Variants in PIBF1 observed in about 807,000 individuals in gnomAD.
PIBF1 encodes the protein progesterone immunomodulatory binding factor 1, also known as progesterone-induced-blocking factor 1.
PIBF1 carries 90 observed loss-of-function variants against 112.5 expected under a neutral mutation model. That is an observed-to-expected ratio of 0.80 (90% CI 0.67 to 0.95). PIBF1 has a LOEUF of 0.95. PIBF1 is among the 40% of genes least tolerant of loss of function. The pLI is 0.00. For synonymous variants in PIBF1, 301 were observed against 288.6 expected (o/e 1.04, Z -0.44); for missense variants, 915 against 852.3 (o/e 1.07, Z -0.92).
chr13:72,982,091 G>C (rs1418100589), intron 16 of PIBF1, among the ~76,000 whole-genome samples: 1 of 152,192 alleles, frequency 6.6e-6, no homozygotes, highest in Admixed American at 6.5e-5. Flanking sequence ...AGAACTCAAT[G>C]AATGTAGTTC....
intron 17 of PIBF1, among the ~76,000 whole-genome samples, chr13:73,001,748 T>A (rs563541482): frequency 8.2e-4 from 124 of 151,678 alleles, no homozygotes; most frequent in African/African-American, 2.9e-3. Context: ...CTCATCCTCC[T>A]GAGTAGCTGG....
chr13:72,836,098 CA>C (rs11382594), intron 9 of PIBF1: 19,824 of 349,346 alleles, frequency 0.057, 2 homozygotes, highest in South Asian at 0.076. Context: ...GACACCATCT[CA>C]AAAAAAAAAA....
chr13:72,953,807 A>G (rs2042368293), intron 14 of PIBF1, among the ~76,000 whole-genome samples: 1 of 152,124 alleles, frequency 6.6e-6, no homozygotes, highest in African/African-American at 2.4e-5. Context: ...CTTGCAAAAG[A>G]GTACCAGGTG....
intron 14 of PIBF1, among the ~76,000 whole-genome samples, chr13:72,961,874 A>G (rs1339183777): frequency 6.6e-6 from 1 of 152,204 alleles, no homozygotes; most frequent in Non-Finnish European, 1.5e-5. Flanking sequence ...TTGTGTATAT[A>G]TAAGTTGATA....
intron 11 of PIBF1, among the ~76,000 whole-genome samples, chr13:72,898,312 C>G (rs1322477286): frequency 6.6e-6 from 1 of 151,958 alleles, no homozygotes; most frequent in East Asian, 1.9e-4. Context: ...ACAGCTAAGG[C>G]AGTGCCAAGA....
chr13:72,896,015 C>T (rs2040268714), intron 11 of PIBF1, among the ~76,000 whole-genome samples: 1 of 152,122 alleles, frequency 6.6e-6, no homozygotes, highest in African/African-American at 2.4e-5. Flanking sequence ...TCCCCCATTT[C>T]CCTGACAACC....
chr13:73,001,610 G>T (rs1384919710), intron 17 of PIBF1, among the ~76,000 whole-genome samples: 5 of 26,676 alleles, frequency 1.9e-4, no homozygotes, highest in Non-Finnish European at 3.7e-4. Context: ...TGACACTTAG[G>T]TCTTCTTCTG....
chr13:72,948,978 C>T (rs921601267), intron 14 of PIBF1, among the ~76,000 whole-genome samples: 20 of 152,128 alleles, frequency 1.3e-4, no homozygotes, highest in Admixed American at 8.5e-4. Context: ...GAACACAAAG[C>T]CTAACCATAT....
chr13:72,946,403 C>T (rs1247255991), intron 14 of PIBF1, among the ~76,000 whole-genome samples: 1 of 152,150 alleles, frequency 6.6e-6, no homozygotes, highest in Non-Finnish European at 1.5e-5. Context: ...AGGGTGAGAT[C>T]TGGATGGGGA....
chr13:72,961,767 T>C (rs1226738647), intron 14 of PIBF1, among the ~76,000 whole-genome samples: 1 of 152,206 alleles, frequency 6.6e-6, no homozygotes, highest in African/African-American at 2.4e-5. Flanking sequence ...TTGCTGACAC[T>C]GATAATGCTT....
rs1022076630 is a variant in PIBF1, at chr13:72,953,864, G to C, written c.1834-11410G>C. Among the ~76,000 whole-genome samples the C allele has an allele frequency of 7.9e-5, 12 of 152,120 alleles. 2 individuals are homozygous for C. The South Asian group carries it at 1.9e-3, about 24-fold the overall frequency. ...TGCTTGCCTTATGTTACCCAGGGCA[G>C]GCACTCTGGGGTCTCAGGCAATGGG... On this transcript the variant is annotated intron_variant, in intron 14 of 17. Coordinates refer to ENST00000326291, the MANE Select transcript of PIBF1 (RefSeq NM_006346.4).
chr13:72,873,751 T>C (rs2039267325), intron 10 of PIBF1, among the ~76,000 whole-genome samples: 1 of 138,950 alleles, frequency 7.2e-6, no homozygotes, highest in Non-Finnish European at 1.5e-5. Context: ...GAAAAACTCG[T>C]TAAATTGGAC....
intron 5 of PIBF1, among the ~76,000 whole-genome samples, chr13:72,820,142 C>T (rs1222359314): frequency 6.6e-6 from 1 of 152,084 alleles, no homozygotes; most frequent in Non-Finnish European, 1.5e-5. Context: ...AAGCACTTTA[C>T]ATGTATTACT....
intron 5 of PIBF1, among the ~76,000 whole-genome samples, chr13:72,812,447 A>G (rs1412966738): frequency 6.6e-6 from 1 of 152,084 alleles, no homozygotes; most frequent in Non-Finnish European, 1.5e-5. Context: ...ACAGTAGTCA[A>G]CTGTCCAGGC....
chr13:72,862,657 T>C (rs1481399694), intron 10 of PIBF1, among the ~76,000 whole-genome samples: 1 of 152,166 alleles, frequency 6.6e-6, no homozygotes, highest in Non-Finnish European at 1.5e-5. Flanking sequence ...GTAGCAGTTA[T>C]TTGAAATATA....
intron 6 of PIBF1, 141 bp from the exon 7 acceptor site, chr13:72,826,869 C>T: frequency 2.2e-6 from 1 of 453,956 alleles, no homozygotes. Context: ...AAAGTAGGTA[C>T]TTTATAGTTC....
At chr13:72,788,866 C>T (rs2138355594) in intron 2 of PIBF1, among the ~76,000 whole-genome samples, 1 of 152,240 alleles carries the variant, frequency 6.6e-6, no homozygotes, top group Admixed American at 6.5e-5. Context: ...TAACATGTCC[C>T]ACTCCATTGT....
chr13:72,832,331 C>A (rs953885252), intron 8 of PIBF1, among the ~76,000 whole-genome samples: 2 of 151,740 alleles, frequency 1.3e-5, no homozygotes, highest in Non-Finnish European at 2.9e-5. Context: ...TTGTATTGCC[C>A]GTTAGTTGAT....
intron 17 of PIBF1, among the ~76,000 whole-genome samples, chr13:73,015,491 T>C (rs935407416): frequency 6.6e-6 from 1 of 152,194 alleles, no homozygotes; most frequent in Non-Finnish European, 1.5e-5. Flanking sequence ...ACAGTAATTA[T>C]TTAATAAATA....
Sources: gnomAD v4.1 joint callset for allele counts (sites outside exome capture counted in the v4.1 genomes callset) on GRCh38, gnomAD v4.1.1 for gene constraint, MANE v1.5 for transcripts, NCBI Gene and HGNC (gene_info 2026-07-23, HGNC 2026-07-21) for gene names.